The following ULK4 variants were observed in gnomAD, a reference collection of about 807,000 sequenced individuals.
ULK4 encodes the protein unc-51 like kinase 4.
Under a neutral mutation model 160.6 loss-of-function variants are expected in ULK4, and 133 were observed. The observed-to-expected ratio is 0.83, with a 90% CI of 0.72 to 0.96. The LOEUF (loss-of-function observed/expected upper bound fraction) is 0.96. ULK4 is among the 40% of genes least tolerant of loss of function. The probability of loss-of-function intolerance (pLI) is 0.00; values close to 1 mark genes in which losing one functional copy is unlikely to be tolerated. For missense variants in ULK4, 1,580 were observed against 1,499.5 expected, an observed-to-expected ratio of 1.05 and a Z score of -0.89; for synonymous variants, 534 against 539.8, an observed-to-expected ratio of 0.99 and a Z score of 0.15.
chr3:41,719,267 ATCCTC>A (rs1559506380), intron 22 of ULK4, among the ~76,000 whole-genome samples: 1 of 152,178 alleles, frequency 6.6e-6, no homozygotes, highest in Non-Finnish European at 1.5e-5. Flanking sequence ...GCCCACAACT[ATCCTC>A]TAACTGTTTA....
chr3:41,851,347 G>C (rs12107305), intron 17 of ULK4, among the ~76,000 whole-genome samples: 312 of 152,272 alleles, frequency 2.0e-3, no homozygotes, highest in African/African-American at 7.1e-3. Context: ...TGTGGTTTTT[G>C]TCTTTGGTTC....
chr3:41,950,813 A>G (rs751584792), intron 2 of ULK4, among the ~76,000 whole-genome samples: 1 of 152,186 alleles, frequency 6.6e-6, no homozygotes, highest in Non-Finnish European at 1.5e-5. Context: ...AGACTTACAC[A>G]ACAAAAACTA....
chr3:41,619,779 GAA>G (rs2033153485), intron 30 of ULK4, among the ~76,000 whole-genome samples: 1 of 152,140 alleles, frequency 6.6e-6, no homozygotes, highest in South Asian at 2.1e-4. Context: ...GAGCAGAACT[GAA>G]AGAGATGGAG....
At chr3:41,472,969 T>C (rs1361730187) in intron 32 of ULK4, among the ~76,000 whole-genome samples, 4 of 152,180 alleles carry the variant, frequency 2.6e-5, no homozygotes, top group Non-Finnish European at 5.9e-5. Context: ...TGGTTCAACA[T>C]ATGCAAATCA....
At chr3:41,866,049 C>T (rs1696854919) in intron 17 of ULK4, among the ~76,000 whole-genome samples, 1 of 151,338 alleles carries the variant, frequency 6.6e-6, no homozygotes, top group South Asian at 2.1e-4. Flanking sequence ...TTTAAAAACT[C>T]AGATACAGAT....
chr3:41,566,277 T>C (rs966473121), intron 31 of ULK4, 147 bp from the exon 32 acceptor site: 7 of 671,278 alleles, frequency 1.0e-5, no homozygotes, highest in African/African-American at 5.5e-5. Flanking sequence ...CACATCCTTC[T>C]ATGTTAAGAC....
At chr3:41,918,595 CTTTTTTTTTTTT>C (rs36064862) in intron 6 of ULK4, 55 bp from the exon 7 acceptor site, 9 of 226,784 alleles carry the variant, frequency 4.0e-5, no homozygotes, top group Non-Finnish European at 6.3e-5. Context: ...ACCAATAATT[CTTTTTTTTTTTT>C]TTTTTTTTTT....
At chr3:41,831,786 G>T (rs1372473016) in intron 18 of ULK4, among the ~76,000 whole-genome samples, 3 of 152,020 alleles carry the variant, frequency 2.0e-5, no homozygotes, top group Non-Finnish European at 4.4e-5. Context: ...ATTTGTGAGT[G>T]AGAATATGCA....
chr3:41,437,188 A>G (rs1254833241), intron 34 of ULK4, among the ~76,000 whole-genome samples: 1 of 152,160 alleles, frequency 6.6e-6, no homozygotes, highest in Admixed American at 6.5e-5. Flanking sequence ...AACAGCTACT[A>G]TGAGAAACTC....
At chr3:41,551,014 T>C (rs955607489) in intron 32 of ULK4, among the ~76,000 whole-genome samples, 4 of 151,570 alleles carry the variant, frequency 2.6e-5, no homozygotes, top group Admixed American at 2.0e-4. Flanking sequence ...GGAAACAAAT[T>C]TGCTCCTGAA....
intron 32 of ULK4, among the ~76,000 whole-genome samples, chr3:41,530,255 C>G (rs2086256629): frequency 6.6e-6 from 1 of 151,968 alleles, no homozygotes; most frequent in Non-Finnish European, 1.5e-5. Context: ...ACTATGAACC[C>G]TTAAAATCAC....
At chr3:41,614,667 T>G (rs1406272769) in intron 31 of ULK4, among the ~76,000 whole-genome samples, 1 of 152,232 alleles carries the variant, frequency 6.6e-6, no homozygotes, top group Non-Finnish European at 1.5e-5. Context: ...TTCCCATCTC[T>G]ACTCCCCATG....
chr3:41,529,865 T>A (rs2086242733), intron 32 of ULK4, among the ~76,000 whole-genome samples: 1 of 152,164 alleles, frequency 6.6e-6, no homozygotes, highest in African/African-American at 2.4e-5. Context: ...AAATGTGAAG[T>A]GAAAGAAGCC....
At chr3:41,809,176 C>CAAAAAAAAAAAAA (rs533578363) in intron 19 of ULK4, among the ~76,000 whole-genome samples, 1 of 75,494 alleles carries the variant, frequency 1.3e-5, no homozygotes, top group African/African-American at 3.6e-5. Context: ...AAAAAAAAAA[C>CAAAAAAAAAAAAA]AAAAAAAAAA....
At chr3:41,465,661 C>T (rs2083814335) in intron 32 of ULK4, among the ~76,000 whole-genome samples, 1 of 152,106 alleles carries the variant, frequency 6.6e-6, no homozygotes, top group African/African-American at 2.4e-5. Context: ...GTTCCTATAT[C>T]CCTACATGTC....
chr3:41,933,867 C>T (rs934421486), intron 4 of ULK4, among the ~76,000 whole-genome samples: 10 of 151,866 alleles, frequency 6.6e-5, no homozygotes, highest in Non-Finnish European at 7.4e-5. Context: ...CTGGCCAACA[C>T]GGTAAAACCC....
rs561613560 is a variant in ULK4 at position 41,570,966 on chromosome 3, G to C, written c.3121-4836C>G. 4.6e-5 allele frequency among the ~76,000 whole-genome samples: 7 copies of C among 152,256 alleles called. No homozygotes were observed. The South Asian group carries it at 1.2e-3, about 27-fold the overall frequency. On this transcript the variant is annotated intron_variant, in intron 31 of 36. Coordinates refer to ENST00000301831, the MANE Select transcript of ULK4 (RefSeq NM_017886.4). ...CTAACATTATTACTAGGAGTACTTAGAGAAAAATATTTGATGCACAGAATA... is the reference window on the plus strand; with the variant it reads ...CTAACATTATTACTAGGAGTACTTACAGAAAAATATTTGATGCACAGAATA...
chr3:41,784,395 T>C (rs1386595154), intron 21 of ULK4, among the ~76,000 whole-genome samples: 2 of 152,046 alleles, frequency 1.3e-5, no homozygotes, highest in Non-Finnish European at 1.5e-5. Flanking sequence ...GATCACTCTA[T>C]TGCACTCCAG....
chr3:41,777,961 T>G (rs796147741), intron 21 of ULK4, among the ~76,000 whole-genome samples: 2 of 136,082 alleles, frequency 1.5e-5, no homozygotes, highest in South Asian at 2.4e-4. Flanking sequence ...CTATTCAACA[T>G]AGTGTTGGAA....
Sources: gnomAD v4.1 joint callset for allele counts (sites outside exome capture counted in the v4.1 genomes callset) on GRCh38, gnomAD v4.1.1 for gene constraint, MANE v1.5 for transcripts, NCBI Gene and HGNC (gene_info 2026-07-23, HGNC 2026-07-21) for gene names.